SCMH1: variants seen among roughly 807,000 people sequenced by gnomAD.
SCMH1 encodes Scm polycomb group protein homolog 1.
In SCMH1, 37 loss-of-function variants were observed where a neutral mutation model predicts 70.8. That is an observed-to-expected ratio of 0.52 (90% CI 0.40 to 0.69). SCMH1 has a LOEUF of 0.69. SCMH1 is among the 30% of genes least tolerant of loss of function. SCMH1 has a pLI of 0.00. For missense variants in SCMH1, 607 were observed against 827.3 expected (o/e 0.73, Z 3.27); for synonymous variants, 292 against 307.4 (o/e 0.95, Z 0.52).
chr1:41,173,890 T>C (rs548094690), intron 2 of SCMH1, among the ~76,000 whole-genome samples: 13 of 152,104 alleles, frequency 8.5e-5, no homozygotes, highest in African/African-American at 1.7e-4. Flanking sequence ...TTTTTGGTCA[T>C]ATGTGGAAGC....
chr1:41,060,038 G>A (rs1042173822), intron 10 of SCMH1, among the ~76,000 whole-genome samples: 1 of 149,480 alleles, frequency 6.7e-6, no homozygotes, highest in African/African-American at 2.5e-5. Context: ...GAATATTCAA[G>A]AACTGTGGGA....
chr1:41,155,943 C>T (rs568215000), intron 4 of SCMH1, among the ~76,000 whole-genome samples: 18 of 146,748 alleles, frequency 1.2e-4, no homozygotes, highest in South Asian at 4.3e-4. Flanking sequence ...TAAGATCGCA[C>T]CACTGCACTC....
chr1:41,075,004 A>C (rs1345532353), intron 9 of SCMH1, among the ~76,000 whole-genome samples: 1 of 152,122 alleles, frequency 6.6e-6, no homozygotes, highest in African/African-American at 2.4e-5. Flanking sequence ...CTGGGACTAC[A>C]GGCGCCCACC....
intron 6 of SCMH1, among the ~76,000 whole-genome samples, chr1:41,141,346 T>G (rs919919298): frequency 6.6e-6 from 1 of 152,224 alleles, no homozygotes; most frequent in African/African-American, 2.4e-5. Context: ...AGCTAAGTAA[T>G]TATAACAGAG....
chr1:41,074,072 CT>C (rs532510799), intron 9 of SCMH1, among the ~76,000 whole-genome samples: 19,754 of 128,406 alleles, frequency 0.15, 1,500 homozygotes, highest in Middle Eastern at 0.28. Flanking sequence ...TGACAGAAGT[CT>C]TTTTTTTTTT....
chr1:41,096,062 C>A (rs953555085), intron 8 of SCMH1, among the ~76,000 whole-genome samples: 7 of 151,952 alleles, frequency 4.6e-5, no homozygotes, highest in Non-Finnish European at 1.0e-4. Context: ...ATAGAATATA[C>A]AAAATGTTAA....
At chr1:41,207,817 C>T (rs1655924727) in intron 1 of SCMH1, among the ~76,000 whole-genome samples, 1 of 151,832 alleles carries the variant, frequency 6.6e-6, no homozygotes, top group Non-Finnish European at 1.5e-5. Flanking sequence ...AACACTTTTA[C>T]ACTGTTGGTG....
intron 1 of SCMH1, among the ~76,000 whole-genome samples, chr1:41,226,020 C>G (rs914680104): frequency 2.6e-5 from 4 of 152,148 alleles, no homozygotes; most frequent in Non-Finnish European, 5.9e-5. Flanking sequence ...GCACAGAAAC[C>G]TTAAGTGGTG....
Position 41,058,378 on chromosome 1 carries a change from G to GTTTT in SCMH1, c.1106-9492_1106-9489dup, listed in dbSNP as rs548733204. Among the ~76,000 whole-genome samples, 634 of 81,572 alleles carry GTTTT rather than the reference G, an allele frequency of 7.8e-3. 144 individuals are homozygous for GTTTT. The highest frequency in any genetic ancestry group is 0.024 in the African/African-American group (470 of 19,742). The allele number at this position is 81,572 out of a possible 152,430, so 53.5% of individuals were successfully genotyped here. ...TTAGTATTTATACATTTTCTTTCTT[G>GTTTT]TTTTTTTTTTTTTTTTTTTTTTGAG... On this transcript the variant is annotated intron_variant, in intron 10 of 14. Coordinates refer to ENST00000337495, the Ensembl canonical transcript of SCMH1.
rs147933662 is a variant in SCMH1 at position 41,062,066 on chromosome 1, A to T, written c.1105+8529T>A. Among the ~76,000 whole-genome samples, 365 of 152,048 alleles carry T rather than the reference A, an allele frequency of 2.4e-3. 2 individuals are homozygous for T. Among genetic ancestry groups the T allele is most frequent in the African/African-American group, 8.1e-3 (338 of 41,502 alleles). ...TTTTTGGTAGAGACAGGGTTTCACC[A>T]TGTTGCCCAAGCTGGTCTCAAACTC... is the stretch of plus-strand genomic sequence containing the variant. On this transcript the variant is annotated intron_variant, in intron 10 of 14. Coordinates refer to ENST00000337495, the Ensembl canonical transcript of SCMH1.
chr1:41,150,916 G>A (rs901943257), intron 5 of SCMH1, among the ~76,000 whole-genome samples: 15 of 112,766 alleles, frequency 1.3e-4, no homozygotes, highest in African/African-American at 3.6e-4. Flanking sequence ...CAGTCTGGGC[G>A]ACAGAGTGAG....
At chr1:41,206,753 GGGTGAAATCAA>G (rs1185482836) in intron 1 of SCMH1, among the ~76,000 whole-genome samples, 1 of 152,144 alleles carries the variant, frequency 6.6e-6, no homozygotes, top group Non-Finnish European at 1.5e-5. Context: ...AATTTACCAA[GGGTGAAATCAA>G]GGAAAAAATG....
chr1:41,091,119 G>T (rs1663352917), intron 8 of SCMH1, among the ~76,000 whole-genome samples: 1 of 151,594 alleles, frequency 6.6e-6, no homozygotes, highest in Non-Finnish European at 1.5e-5. Flanking sequence ...TGATGAACAT[G>T]GATGCAAAAA....
At chr1:41,163,841 G>C (rs1646234892) in intron 2 of SCMH1, among the ~76,000 whole-genome samples, 1 of 152,066 alleles carries the variant, frequency 6.6e-6, no homozygotes, top group African/African-American at 2.4e-5. Flanking sequence ...AAACATATAA[G>C]TAAACACAGC....
At chr1:41,201,006 A>C (rs1654239394) in intron 1 of SCMH1, among the ~76,000 whole-genome samples, 1 of 152,214 alleles carries the variant, frequency 6.6e-6, no homozygotes. Flanking sequence ...CAGAGATCTC[A>C]AGATCAACTT....
intron 2 of SCMH1, among the ~76,000 whole-genome samples, chr1:41,174,247 C>G (rs1478424294): frequency 6.7e-6 from 1 of 148,392 alleles, no homozygotes. Flanking sequence ...CAGACAAAAC[C>G]AAAAAAGTCT....
At chr1:41,096,118 A>G (rs979934326) in intron 8 of SCMH1, among the ~76,000 whole-genome samples, 5 of 152,344 alleles carry the variant, frequency 3.3e-5, no homozygotes, top group Non-Finnish European at 7.4e-5. Context: ...GGTTAACACT[A>G]GATTCAATAA....
exon 9 of SCMH1, chr1:41,075,283 G>A: frequency 6.2e-7 from 1 of 1,614,158 alleles, no homozygotes; most frequent in South Asian, 1.1e-5. Flanking sequence ...CTTGGATGGG[G>A]CAGAGATGGG....
intron 2 of SCMH1, among the ~76,000 whole-genome samples, chr1:41,170,590 C>A (rs1458165658): frequency 6.6e-6 from 1 of 152,178 alleles, no homozygotes; most frequent in African/African-American, 2.4e-5. Flanking sequence ...TTGCCACCAG[C>A]ATTCTTATTG....
Sources: gnomAD v4.1 joint callset for allele counts (sites outside exome capture counted in the v4.1 genomes callset) on GRCh38, gnomAD v4.1.1 for gene constraint, MANE v1.5 for transcripts, NCBI Gene and HGNC (gene_info 2026-07-23, HGNC 2026-07-21) for gene names.